The following LRP2 variants were observed in gnomAD, a reference collection of about 807,000 sequenced individuals.
The protein encoded by LRP2 is LDL receptor related protein 2.
In LRP2, 172 loss-of-function variants were observed where a neutral mutation model predicts 531.0. That is an observed-to-expected ratio of 0.32 (90% CI 0.29 to 0.37). The LOEUF (loss-of-function observed/expected upper bound fraction) is 0.37. Among genes scored for constraint, LRP2 ranks in the 10% least tolerant of loss-of-function variants. The pLI is 1.00. For synonymous variants in LRP2, 1,992 were observed against 2,027.6 expected (o/e 0.98, Z 0.47); for missense variants, 5,167 against 5,868.3 (o/e 0.88, Z 3.90).
intron 16 of LRP2, among the ~76,000 whole-genome samples, chr2:169,269,089 C>T (rs1683321365): frequency 6.6e-6 from 1 of 152,078 alleles, no homozygotes; most frequent in Admixed American, 6.6e-5. Context: ...AACCACTGCT[C>T]AGCAAAATAA....
chr2:169,343,953 T>C (rs932023066), intron 1 of LRP2, among the ~76,000 whole-genome samples: 1 of 152,172 alleles, frequency 6.6e-6, no homozygotes, highest in Non-Finnish European at 1.5e-5. Context: ...AATACATAAA[T>C]ATTTACTAAC....
chr2:169,261,161 A>T (rs1204427246), intron 16 of LRP2, among the ~76,000 whole-genome samples: 1 of 152,046 alleles, frequency 6.6e-6, no homozygotes, highest in African/African-American at 2.4e-5. Flanking sequence ...ATCACTAAAG[A>T]GGAACATGGA....
rs1250796261 is a variant in LRP2 at position 169,235,899 on chromosome 2, A to G, written c.4861T>C (p.Tyr1621His). The change falls in exon 29 of 79, where the codon TAC (tyrosine) becomes CAC (histidine). Residue 1621 changes from tyrosine to histidine, a missense_variant. Tyr to His is a moderately conservative substitution (Grantham distance 83). Coordinates refer to ENST00000649046, the MANE Select transcript of LRP2 (RefSeq NM_004525.3). ...CCATTATAATCACAAAAGTCCATGT[A>G]ATCAAGATAGGAGTCCATGAAGTAG... The part of the protein sequence containing the change: ...LLYFMDSYLD[Y>H]MDFCDYNGHH... The G allele has an allele frequency of 6.2e-7, 1 of 1,614,190 alleles. No homozygotes were observed. The highest frequency in any genetic ancestry group is 1.1e-5 in the South Asian group (1 of 91,078).
chr2:169,257,390 G>A (rs766095830), intron 17 of LRP2, 141 bp from the exon 18 acceptor site: 12 of 815,668 alleles, frequency 1.5e-5, no homozygotes, highest in Admixed American at 4.2e-5. Flanking sequence ...AACATACTTA[G>A]TGTATAACTC....
At chr2:169,352,442 T>C (rs868408307) in intron 1 of LRP2, among the ~76,000 whole-genome samples, 46 of 152,300 alleles carry the variant, frequency 3.0e-4, no homozygotes, top group Middle Eastern at 3.4e-3. Context: ...TATATTTAAC[T>C]GCCACTGAAG....
At chr2:169,327,524 G>A (rs540564089) in intron 1 of LRP2, among the ~76,000 whole-genome samples, 15 of 125,662 alleles carry the variant, frequency 1.2e-4, no homozygotes, top group Admixed American at 6.7e-4. Flanking sequence ...CGCCCCGTCC[G>A]GGAGGGAGGT....
chr2:169,275,974 C>T (rs147620244), intron 13 of LRP2, among the ~76,000 whole-genome samples: 52 of 151,870 alleles, frequency 3.4e-4, no homozygotes, highest in African/African-American at 9.7e-4. Context: ...AGGCAGAGGA[C>T]GGTTGATATG....
intron 54 of LRP2, among the ~76,000 whole-genome samples, chr2:169,176,066 A>C (rs142090371): frequency 6.6e-6 from 1 of 152,248 alleles, no homozygotes; most frequent in Non-Finnish European, 1.5e-5. Context: ...ATAGACATGG[A>C]AAAGACAGTG....
Position 169,271,123 on chromosome 2 carries a change from C to A in LRP2, c.2117-16G>T, listed in dbSNP as rs2105437665. The stretch of plus-strand genomic sequence containing the variant: ...TTCTGAACAGCTGTAGGAAGAATAA[C>A]ACAGCACAGTCAGTCACAGCATGGT... On this transcript the variant is annotated splice_polypyrimidine_tract_variant and intron_variant, in intron 15 of 78. Transcript: ENST00000649046. 1 of 1,584,018 alleles carries A rather than the reference C, an allele frequency of 6.3e-7. No individual in the cohort carries two copies. The highest frequency in any genetic ancestry group is 8.7e-7 in the Non-Finnish European group (1 of 1,154,014).
rs752151640 is a variant in LRP2 at position 169,181,609 on chromosome 2, G to A, written c.10008C>T (p.Tyr3336=). 3.7e-6 allele frequency: 6 copies of A among 1,614,086 alleles called. No individual in the cohort carries two copies. The highest frequency in any genetic ancestry group is 5.1e-6 in the Non-Finnish European group (6 of 1,180,020). The change falls in exon 52 of 79, where the codon TAC becomes TAT. Residue 3336 remains tyrosine, a synonymous_variant. Coordinates refer to ENST00000649046, the MANE Select transcript of LRP2 (RefSeq NM_004525.3). ...ATGCGCGGTGACCCCAGTCTGCCCA[G>A]TAGAGGTACCTGTCAGGGCAAACAC... The part of the protein sequence containing the change: ...LALHPQYGYL[Y]WADWGHRAYI...
intron 3 of LRP2, among the ~76,000 whole-genome samples, chr2:169,310,691 G>A (rs1684570360): frequency 6.6e-6 from 1 of 152,126 alleles, no homozygotes; most frequent in African/African-American, 2.4e-5. Flanking sequence ...GCCAGGCTTT[G>A]GTATCAGGAT....
chr2:169,272,927 C>T lies in LRP2; in HGVS notation c.2116G>A (p.Ala706Thr). 6.2e-7 allele frequency: 1 copy of T among 1,613,572 alleles called. No individual in the cohort carries two copies. Among genetic ancestry groups the T allele is most frequent in the Non-Finnish European group, 8.5e-7 (1 of 1,179,664 alleles). Residue 706 changes from alanine to threonine, a missense_variant and splice_region_variant, in exon 15 of 79, where the codon GCT becomes ACT. Ala to Thr is a moderately conservative substitution (Grantham distance 58). Transcript: ENST00000649046. ...ACAACGTCCAAAACAGACTTCTTAC[C>T]AATGCAGTGGCGCTCATCTGTATCC... is the stretch of plus-strand genomic sequence containing the variant. ...QLDTDERHCI[A>T]VQNFLIFSSQ...
rs369593269 is a variant in LRP2 at position 169,280,335 on chromosome 2, G to A, written c.1341+15C>T. ...GTGCTCAGGGTTCCATTCAGCTACT[G>A]AAATTTCTATTTACCTTATTTTGCA... On this transcript the variant is annotated intron_variant, in intron 11 of 78. Coordinates refer to ENST00000649046, the MANE Select transcript of LRP2 (RefSeq NM_004525.3). The A allele has an allele frequency of 1.2e-6, 2 of 1,613,962 alleles. No individual in the cohort carries two copies. The highest frequency in any genetic ancestry group is 1.7e-6 in the Non-Finnish European group (2 of 1,179,964).
chr2:169,242,955 C>T lies in LRP2; in HGVS notation c.3667+1G>A, dbSNP rs752197557. ...AAACATTCTGGGTATGTGTTACTTA[C>T]GACAGCCTGCTTCATCCGAGTTGTC... On this transcript the variant is annotated splice_donor_variant, in intron 24 of 78. Transcript: ENST00000649046. LOFTEE classifies it high-confidence loss of function. 18 of 1,611,006 alleles carry T rather than the reference C, an allele frequency of 1.1e-5. No homozygotes were observed. The highest frequency in any genetic ancestry group is 3.3e-5 in the Admixed American group (2 of 59,992).
chr2:169,175,557 CAT>C (rs1302788886), intron 54 of LRP2, among the ~76,000 whole-genome samples, 168 bp from the exon 55 acceptor site: 2 of 152,002 alleles, frequency 1.3e-5, no homozygotes, highest in African/African-American at 4.8e-5. Flanking sequence ...TCAGAGAAAA[CAT>C]AACTTGGCAA....
intron 63 of LRP2, among the ~76,000 whole-genome samples, chr2:169,161,843 A>G (rs1686600144): frequency 6.6e-6 from 1 of 152,188 alleles, no homozygotes; most frequent in Admixed American, 6.5e-5. Context: ...CTTCTTGATC[A>G]AACACCCTCA....
At chr2:169,343,962 A>C (rs1223704330) in intron 1 of LRP2, among the ~76,000 whole-genome samples, 1 of 152,100 alleles carries the variant, frequency 6.6e-6, no homozygotes, top group Non-Finnish European at 1.5e-5. Flanking sequence ...ATATTTACTA[A>C]CTCCTCAAAA....
At chr2:169,338,692 C>A (rs1358885300) in intron 1 of LRP2, among the ~76,000 whole-genome samples, 1 of 152,212 alleles carries the variant, frequency 6.6e-6, no homozygotes, top group African/African-American at 2.4e-5. Context: ...AAGTCAACAG[C>A]TTTTCCACAG....
intron 16 of LRP2, among the ~76,000 whole-genome samples, chr2:169,261,700 T>C (rs1690561671): frequency 1.3e-5 from 2 of 152,054 alleles, no homozygotes; most frequent in Non-Finnish European, 2.9e-5. Context: ...TCTGAAATGA[T>C]TCCAATCAAT....
Sources: allele counts gnomAD v4.1 joint callset (sites outside exome capture counted in the v4.1 genomes callset), GRCh38; gene constraint gnomAD v4.1.1; transcripts MANE v1.5; gene names NCBI Gene and HGNC (gene_info 2026-07-23, HGNC 2026-07-21).